SMG1: variants seen among roughly 807,000 people sequenced by gnomAD.
SMG1 encodes the protein serine/threonine-protein kinase SMG1.
A neutral mutation model predicts 419.9 loss-of-function variants in SMG1; 22 were observed. The ratio of observed to expected loss-of-function variants is 0.05; its 90% CI spans 0.04 to 0.07. The LOEUF is 0.07. SMG1 is among the 10% of genes least tolerant of loss of function. The pLI, the probability that SMG1 is intolerant of heterozygous loss-of-function variation, is 1.00. For synonymous variants in SMG1, 1,538 were observed against 1,553.5 expected (o/e 0.99, Z 0.23); for missense variants, 3,185 against 4,342.0 (o/e 0.73, Z 7.49).
intron 3 of SMG1, 76 bp from the exon 4 acceptor site, chr16:18,892,430 A>T: frequency 1.7e-6 from 2 of 1,181,032 alleles, no homozygotes; most frequent in African/African-American, 3.1e-5. Flanking sequence ...CAAATTAAAA[A>T]TTATTTAAAT....
At chr16:18,817,605 G>A (rs2270505) in intron 56 of SMG1, 135 bp from the exon 57 acceptor site, 66,791 of 691,034 alleles carry the variant, frequency 0.097, 3,532 homozygotes, top group Middle Eastern at 0.15. Flanking sequence ...AAAATGTTTG[G>A]GAAATAGACC....
intron 42 of SMG1, 65 bp downstream of exon 42, chr16:18,839,633 T>C (rs1384559082): frequency 2.0e-5 from 32 of 1,587,902 alleles, no homozygotes; most frequent in Non-Finnish European, 2.6e-5. Context: ...ACAAACAAGA[T>C]AGGCAAGAAG....
intron 1 of SMG1, among the ~76,000 whole-genome samples, chr16:18,912,000 G>T (rs2037810694): frequency 1.3e-5 from 2 of 149,352 alleles, no homozygotes; most frequent in Admixed American, 1.3e-4. Context: ...AGAATCGCTT[G>T]AACCCGGGAG....
In SMG1 at chr16:18,832,966, T is replaced by C. The variant is rs777949045; in HGVS notation, c.8766A>G (p.Thr2922=). 3.1e-6 allele frequency: 5 copies of C among 1,613,854 alleles called. No homozygotes were observed. Among genetic ancestry groups the C allele is most frequent in the East Asian group, 2.2e-5 (1 of 44,898 alleles). The part of the protein sequence containing the change: ...RNAAMGLEEE[T]HAHYIDVARL... ...TGGCAACATCGATGTAATGAGCATG[T>C]GTTTCTTCTTCCAGTCCCATAGCTG... Residue 2922 remains threonine (T), a synonymous_variant, in exon 51 of 63, where the codon ACA becomes ACG. Coordinates refer to ENST00000446231, the MANE Select transcript of SMG1 (RefSeq NM_015092.5).
In SMG1 at chr16:18,838,109, C is replaced by T; in HGVS notation, c.7318G>A (p.Gly2440Arg). 1 of 1,614,002 alleles carries T rather than the reference C, an allele frequency of 6.2e-7. No homozygotes were observed. Among genetic ancestry groups the T allele is most frequent in the Non-Finnish European group, 8.5e-7 (1 of 1,179,888 alleles). ...EAGFAGAVYG[G>R]GGQQAESKQS... The stretch of plus-strand genomic sequence containing the variant: ...TTGCTCTCGGCCTGCTGGCCACCTC[C>T]ACCATAGACAGCACCAGCAAACCCA... Residue 2440 changes from glycine to arginine, a missense_variant, in exon 45 of 63, where the codon GGA (glycine) becomes AGA (arginine). Transcript: ENST00000446231.
chr16:18,820,297 A>C (rs2032407652), intron 55 of SMG1, among the ~76,000 whole-genome samples: 1 of 151,228 alleles, frequency 6.6e-6, no homozygotes, highest in Non-Finnish European at 1.5e-5. Context: ...CCGCCTCCTG[A>C]GCTCAAGCCA....
At chr16:18,895,154 A>G (rs934138384) in intron 3 of SMG1, among the ~76,000 whole-genome samples, 1 of 152,198 alleles carries the variant, frequency 6.6e-6, no homozygotes, top group Non-Finnish European at 1.5e-5. Context: ...CTATACAGTG[A>G]GGCTACATCA....
Position 18,896,415 on chromosome 16 carries a change from T to C in SMG1, c.257-208A>G, listed in dbSNP as rs181726685. Reference sequence around the variant, plus strand: ...AATTAATTTTATTTTGATCCCTTCATTGGAAAATAAGCAAAGAAATGAAAA... The same window carrying C: ...AATTAATTTTATTTTGATCCCTTCACTGGAAAATAAGCAAAGAAATGAAAA... On this transcript the variant is annotated intron_variant, in intron 2 of 62. Coordinates refer to ENST00000446231, the MANE Select transcript of SMG1 (RefSeq NM_015092.5). Among the ~76,000 whole-genome samples the C allele has an allele frequency of 1.9e-3, 292 of 152,324 alleles. 1 individual carries two copies. The highest frequency in any genetic ancestry group is 6.7e-3 in the African/African-American group (279 of 41,568).
intron 20 of SMG1, among the ~76,000 whole-genome samples, 192 bp from the exon 21 acceptor site, chr16:18,868,911 A>C (rs2035662692): frequency 6.6e-6 from 1 of 152,100 alleles, no homozygotes; most frequent in East Asian, 1.9e-4. Context: ...ACAACTCCCT[A>C]AGTTTTGGGG....
chr16:18,891,762 A>C (rs2036891995), intron 4 of SMG1, among the ~76,000 whole-genome samples: 1 of 152,198 alleles, frequency 6.6e-6, no homozygotes. Flanking sequence ...GGTGTAAAGA[A>C]AGTGAAGAAA....
intron 10 of SMG1, among the ~76,000 whole-genome samples, chr16:18,881,437 A>G (rs1294707004): frequency 2.0e-5 from 3 of 152,200 alleles, no homozygotes; most frequent in African/African-American, 7.2e-5. Context: ...ATATCTACAT[A>G]ATCAATATCC....
In SMG1 at chr16:18,876,267, G is replaced by C; in HGVS notation, c.1747C>G (p.Leu583Val). The change falls in exon 13 of 63, where the codon CTA becomes GTA. Residue 583 changes from leucine to valine, a missense_variant. Coordinates refer to ENST00000446231, the MANE Select transcript of SMG1 (RefSeq NM_015092.5). ...TCALNNLLHS[L>V]QLPEACSEIK... is the part of the protein sequence containing the mutation. ...TCAGAACAGGCCTCAGGAAGTTGTAGACTGTGTAGGAGGTTGTTTAGGGCA... is the reference window on the plus strand; with the variant it reads ...TCAGAACAGGCCTCAGGAAGTTGTACACTGTGTAGGAGGTTGTTTAGGGCA... 1 of 1,611,760 alleles carries C rather than the reference G, an allele frequency of 6.2e-7. No homozygotes were observed. The highest frequency in any genetic ancestry group is 1.3e-5 in the African/African-American group (1 of 74,968).
intron 46 of SMG1, 59 bp downstream of exon 46, chr16:18,837,194 T>G: frequency 1.4e-6 from 2 of 1,420,044 alleles, no homozygotes; most frequent in Middle Eastern, 1.8e-4. Context: ...GATGTTTACA[T>G]GAATATGAAA....
In SMG1 at chr16:18,838,236, T is replaced by G. The variant is rs1280083914; in HGVS notation, c.7195-4A>C. 4 of 1,609,520 alleles carry G rather than the reference T, an allele frequency of 2.5e-6. No individual in the cohort carries two copies. Among genetic ancestry groups the G allele is most frequent in the Non-Finnish European group, 2.5e-6 (3 of 1,177,418 alleles). On this transcript the variant is annotated splice_region_variant and splice_polypyrimidine_tract_variant and intron_variant, in intron 44 of 62. Transcript: ENST00000446231. ...CACGCCGCATAATGTGTAAAACCTG[T>G]TTTCAGGAGAGTTTTTAAAATAAGG... is the stretch of plus-strand genomic sequence containing the variant.
intron 23 of SMG1, among the ~76,000 whole-genome samples, chr16:18,865,010 A>G (rs570208576): frequency 1.3e-5 from 2 of 152,384 alleles, no homozygotes; most frequent in Admixed American, 1.3e-4. Flanking sequence ...GTGTGTGGAA[A>G]GGCTTTGTAG....
In SMG1 at chr16:18,853,522, T is replaced by A. The variant is rs2034716228; in HGVS notation, c.4768+61A>T. On this transcript the variant is annotated intron_variant, in intron 31 of 62. Coordinates refer to ENST00000446231, the MANE Select transcript of SMG1 (RefSeq NM_015092.5). ...ATAGCCAGCATAACATTATAAACTT[T>A]AAAACAGAAAAAAATATAGCTTCTA... 3 of 1,394,088 alleles carry A rather than the reference T, an allele frequency of 2.2e-6. No homozygotes were observed. The African/African-American group carries it at 4.4e-5, about 20-fold the overall frequency. The allele number at this position is 1,394,088 out of a possible 1,614,324, so 86.4% of individuals were successfully genotyped here. A position where few individuals can be genotyped will look rare whatever the true frequency, so the allele number is the denominator to read the frequency against.
At chr16:18,838,260 G>C (rs753292130) in intron 44 of SMG1, 28 bp from the exon 45 acceptor site, 2 of 1,608,948 alleles carry the variant, frequency 1.2e-6, no homozygotes, top group Non-Finnish European at 1.7e-6. Context: ...TTTAAAATAA[G>C]GTCTGCCACA....
intron 42 of SMG1, among the ~76,000 whole-genome samples, chr16:18,839,104 CA>C (rs1293364753): frequency 6.6e-6 from 1 of 152,110 alleles, no homozygotes; most frequent in Non-Finnish European, 1.5e-5. Context: ...CCACAGCTTC[CA>C]AAAGTGCTGG....
At chr16:18,889,627 C>T in intron 5 of SMG1, 42 bp from the exon 6 acceptor site, 1 of 514,922 alleles carries the variant, frequency 1.9e-6, no homozygotes, top group Non-Finnish European at 3.5e-6. Context: ...ACACAAAAGG[C>T]TTAAGTTTTC....
Sources: gnomAD v4.1 joint callset for allele counts (sites outside exome capture counted in the v4.1 genomes callset) on GRCh38, gnomAD v4.1.1 for gene constraint, MANE v1.5 for transcripts, NCBI Gene and HGNC (gene_info 2026-07-23, HGNC 2026-07-21) for gene names.